PTPRT: variants seen among roughly 807,000 people sequenced by gnomAD.
The protein encoded by PTPRT is receptor-type tyrosine-protein phosphatase T.
In PTPRT, 56 loss-of-function variants were observed where a neutral mutation model predicts 176.8. That is an observed-to-expected ratio of 0.32 (90% confidence interval 0.26 to 0.40). The LOEUF (loss-of-function observed/expected upper bound fraction) is 0.40, where lower values mean the gene tolerates loss of function less well. Ranked by LOEUF, PTPRT falls within the 10% of genes least tolerant of loss-of-function variation. PTPRT has a pLI of 1.00. For synonymous variants in PTPRT, 783 were observed against 739.0 expected, an observed-to-expected ratio of 1.06 and a Z score of -0.96; for missense variants, 1,540 against 1,908.2, an observed-to-expected ratio of 0.81 and a Z score of 3.60.
intron 16 of PTPRT, among the ~76,000 whole-genome samples, chr20:42,190,978 T>C (rs1256116997): frequency 6.6e-6 from 1 of 152,144 alleles, no homozygotes; most frequent in Non-Finnish European, 1.5e-5. Flanking sequence ...GGTATAATCA[T>C]AACACTTACT....
intron 2 of PTPRT, among the ~76,000 whole-genome samples, chr20:42,875,863 A>T (rs1472925339): frequency 2.0e-5 from 3 of 152,208 alleles, no homozygotes; most frequent in Non-Finnish European, 4.4e-5. Context: ...TTCTGTGCCT[A>T]GGTTTCCTGA....
intron 7 of PTPRT, among the ~76,000 whole-genome samples, chr20:42,624,979 C>T (rs1600493053): frequency 6.6e-6 from 1 of 152,238 alleles, no homozygotes; most frequent in Admixed American, 6.5e-5. Context: ...TTGAGGCATC[C>T]TGGCAGCCAA....
At chr20:42,875,020 G>A (rs926081737) in intron 2 of PTPRT, among the ~76,000 whole-genome samples, 7 of 152,150 alleles carry the variant, frequency 4.6e-5, no homozygotes, top group African/African-American at 1.7e-4. Context: ...ATGCAGCAGT[G>A]TTTGTCATCA....
intron 7 of PTPRT, among the ~76,000 whole-genome samples, chr20:42,508,723 G>C (rs1301444189): frequency 1.3e-5 from 2 of 151,662 alleles, no homozygotes; most frequent in East Asian, 1.9e-4. Flanking sequence ...AATCTGCCTA[G>C]AGAAGTACAT....
At chr20:42,169,158 G>T (rs1989964999) in intron 16 of PTPRT, among the ~76,000 whole-genome samples, 1 of 152,170 alleles carries the variant, frequency 6.6e-6, no homozygotes, top group Admixed American at 6.5e-5. Context: ...CAGGGTTGGG[G>T]CATTTCCAAG....
intron 15 of PTPRT, among the ~76,000 whole-genome samples, chr20:42,229,365 C>A (rs1040545407): frequency 6.6e-6 from 1 of 152,176 alleles, no homozygotes; most frequent in Non-Finnish European, 1.5e-5. Context: ...CACCTATTAA[C>A]ATGTTTGCTG....
chr20:42,169,790 AC>A (rs1326526531), intron 16 of PTPRT, among the ~76,000 whole-genome samples: 2 of 98,466 alleles, frequency 2.0e-5, no homozygotes, highest in East Asian at 3.0e-4. Context: ...ACACACACAC[AC>A]AACAGTCAGT....
chr20:42,135,083 C>A (rs1158531790), intron 18 of PTPRT, among the ~76,000 whole-genome samples: 2 of 152,210 alleles, frequency 1.3e-5, no homozygotes, highest in African/African-American at 2.4e-5. Flanking sequence ...GTAGACCCAG[C>A]CTATCCCTTC....
intron 2 of PTPRT, among the ~76,000 whole-genome samples, chr20:42,807,205 G>A (rs2077623374): frequency 6.6e-6 from 1 of 152,228 alleles, no homozygotes; most frequent in South Asian, 2.1e-4. Context: ...GAGGGACAGA[G>A]AAGGATGGAT....
intron 7 of PTPRT, among the ~76,000 whole-genome samples, chr20:42,513,739 T>C (rs1385868357): frequency 2.0e-5 from 3 of 152,180 alleles, no homozygotes; most frequent in Admixed American, 6.6e-5. Context: ...TTTGCTGCAC[T>C]CTTCTAATTC....
At chr20:42,062,589 C>A in the PTPRT span, among the ~76,000 whole-genome samples, 1 of 152,214 alleles carries the variant, frequency 6.6e-6, no homozygotes, top group Non-Finnish European at 1.5e-5. Context: ...CCTGTGGCCT[C>A]TGGGGATTTT....
rs1387786673 is a variant in PTPRT, at chr20:42,348,406, T to TTTATTTATTTA, written c.1865+2221_1865+2222insTAAATAAATAA. On this transcript the variant is annotated intron_variant, in intron 11 of 30. Transcript: ENST00000373187. The stretch of plus-strand genomic sequence containing the variant: ...TATTTATTTATTTATTTATTTATTT[T>TTTATTTATTTA]TGGATAAAAATGTCACCAAAATATA... Among the ~76,000 whole-genome samples, 9 of 46,444 alleles carry TTTATTTATTTA rather than the reference T, an allele frequency of 1.9e-4. No homozygotes were observed. The South Asian group carries it at 2.6e-3, about 13-fold the overall frequency. 30.5% of individuals were successfully genotyped at this position (46,444 alleles called of 152,430 possible).
chr20:42,176,666 T>C (rs1990305026), intron 16 of PTPRT, among the ~76,000 whole-genome samples: 1 of 152,210 alleles, frequency 6.6e-6, no homozygotes, highest in Admixed American at 6.5e-5. Flanking sequence ...CTCTCATTCA[T>C]AAAAATTATA....
intron 1 of PTPRT, among the ~76,000 whole-genome samples, chr20:42,948,804 CA>C (rs1981048420): frequency 6.6e-6 from 1 of 152,294 alleles, no homozygotes; most frequent in African/African-American, 2.4e-5. Context: ...GGATAACCAA[CA>C]ACCCCAGCTA....
intron 6 of PTPRT, among the ~76,000 whole-genome samples, chr20:42,706,039 C>T (rs2076050030): frequency 6.6e-6 from 1 of 151,976 alleles, no homozygotes. Context: ...GTTTCCCAAG[C>T]TCCTCAGCTG....
intron 21 of PTPRT, chr20:42,116,182 T>C: frequency 1.4e-6 from 1 of 699,074 alleles, no homozygotes; most frequent in Admixed American, 2.1e-5. Context: ...AAATGCTGTA[T>C]TACACAGTTA....
chr20:42,789,393 T>A (rs1172909763), intron 3 of PTPRT, among the ~76,000 whole-genome samples: 1 of 152,208 alleles, frequency 6.6e-6, no homozygotes. Flanking sequence ...TTATACTAGC[T>A]TAGACAGTGA....
chr20:43,007,373 G>A (rs1243242611), intron 1 of PTPRT, among the ~76,000 whole-genome samples: 1 of 152,152 alleles, frequency 6.6e-6, no homozygotes, highest in Non-Finnish European at 1.5e-5. Flanking sequence ...TTTAAATACA[G>A]GCAGCATCAG....
intron 15 of PTPRT, among the ~76,000 whole-genome samples, chr20:42,208,521 C>T (rs2055532929): frequency 6.6e-6 from 1 of 151,842 alleles, no homozygotes; most frequent in African/African-American, 2.4e-5. Context: ...CGACTTTAAA[C>T]CAACAAAGAT....
Sources: allele counts gnomAD v4.1 joint callset (sites outside exome capture counted in the v4.1 genomes callset), GRCh38; gene constraint gnomAD v4.1.1; transcripts MANE v1.5; gene names NCBI Gene and HGNC (gene_info 2026-07-23, HGNC 2026-07-21).